The following CSMD1 variants were observed in gnomAD, a reference collection of about 807,000 sequenced individuals.
CSMD1 encodes CUB and Sushi multiple domains 1.
Under a neutral mutation model 417.5 loss-of-function variants are expected in CSMD1, and 213 were observed. The ratio of observed to expected loss-of-function variants is 0.51; its 90% CI spans 0.46 to 0.57. The LOEUF (loss-of-function observed/expected upper bound fraction) is 0.57, where lower values mean the gene tolerates loss of function less well. Ranked by LOEUF, CSMD1 falls within the 20% of genes least tolerant of loss-of-function variation. The pLI, the probability that CSMD1 is intolerant of heterozygous loss-of-function variation, is 0.00. For synonymous variants in CSMD1, 2,862 were observed against 1,736.8 expected (o/e 1.65, Z -16.11); for missense variants, 6,923 against 4,529.7 (o/e 1.53, Z -15.17).
At chr8:4,692,804 A>G (rs1029148016) in intron 1 of CSMD1, among the ~76,000 whole-genome samples, 3 of 152,154 alleles carry the variant, frequency 2.0e-5, no homozygotes, top group Admixed American at 2.0e-4. Flanking sequence ...GGAATTCTCA[A>G]ATTTTTAAAT....
chr8:4,557,982 T>C (rs936602882), intron 2 of CSMD1, among the ~76,000 whole-genome samples: 2 of 152,172 alleles, frequency 1.3e-5, no homozygotes, highest in African/African-American at 4.8e-5. Context: ...TTATTTTTAC[T>C]ACAGTGACCA....
intron 18 of CSMD1, among the ~76,000 whole-genome samples, chr8:3,382,831 G>C (rs1050641464): frequency 1.3e-5 from 2 of 151,752 alleles, no homozygotes; most frequent in Admixed American, 1.3e-4. Context: ...AACTTTTAGT[G>C]TGCATATAGC....
chr8:4,807,542 C>G (rs902931560), intron 1 of CSMD1, among the ~76,000 whole-genome samples: 4 of 152,132 alleles, frequency 2.6e-5, no homozygotes, highest in Non-Finnish European at 5.9e-5. Context: ...GACACCAGTA[C>G]GTGTTCATTG....
At chr8:4,267,473 GAATATT>G (rs1237230533) in intron 3 of CSMD1, among the ~76,000 whole-genome samples, 1 of 151,264 alleles carries the variant, frequency 6.6e-6, no homozygotes, top group Non-Finnish European at 1.5e-5. Context: ...GAATATAAAT[GAATATT>G]AATATTAAAG....
chr8:3,699,803 C>G (rs1424123507), intron 7 of CSMD1, among the ~76,000 whole-genome samples: 1 of 152,136 alleles, frequency 6.6e-6, no homozygotes, highest in Non-Finnish European at 1.5e-5. Flanking sequence ...ATATAAAAAT[C>G]TAATTGAAGA....
chr8:4,707,964 T>C (rs556712992), intron 1 of CSMD1, among the ~76,000 whole-genome samples: 1 of 149,126 alleles, frequency 6.7e-6, no homozygotes, highest in Non-Finnish European at 1.5e-5. Flanking sequence ...TTATTGTTTT[T>C]AAGACACATC....
At chr8:4,084,676 G>A (rs931868777) in intron 3 of CSMD1, among the ~76,000 whole-genome samples, 7 of 152,078 alleles carry the variant, frequency 4.6e-5, no homozygotes, top group African/African-American at 1.7e-4. Context: ...AGTAGGGAAA[G>A]CACTAGCAAT....
intron 26 of CSMD1, among the ~76,000 whole-genome samples, chr8:3,241,187 C>G (rs1585761006): frequency 6.6e-6 from 1 of 151,354 alleles, no homozygotes; most frequent in Admixed American, 6.6e-5. Context: ...GTGTCTCGGC[C>G]TAATAAGGGA....
chr8:3,243,390 G>A (rs553755710), intron 26 of CSMD1, among the ~76,000 whole-genome samples: 5 of 152,012 alleles, frequency 3.3e-5, no homozygotes, highest in African/African-American at 1.2e-4. Flanking sequence ...TATTTCACCT[G>A]GGTGCAGGTG....
intron 2 of CSMD1, among the ~76,000 whole-genome samples, chr8:4,457,755 A>T (rs531968791): frequency 2.4e-4 from 36 of 152,274 alleles, no homozygotes; most frequent in African/African-American, 8.2e-4. Flanking sequence ...CCAGCAGCAT[A>T]GGACACCTCT....
intron 2 of CSMD1, among the ~76,000 whole-genome samples, chr8:4,591,496 G>T (rs918148985): frequency 6.6e-6 from 1 of 152,178 alleles, no homozygotes; most frequent in African/African-American, 2.4e-5. Context: ...CTGCATGGTA[G>T]GTCCAGGGAA....
intron 1 of CSMD1, among the ~76,000 whole-genome samples, chr8:4,880,250 C>T (rs1380530172): frequency 6.6e-6 from 1 of 151,998 alleles, no homozygotes; most frequent in African/African-American, 2.4e-5. Context: ...GTGACCTGTT[C>T]CCCAAAGGAT....
intron 1 of CSMD1, among the ~76,000 whole-genome samples, chr8:4,648,439 CA>C (rs1803676419): frequency 6.6e-6 from 1 of 152,156 alleles, no homozygotes; most frequent in Non-Finnish European, 1.5e-5. Context: ...GTCCACACCA[CA>C]AGGGCATGAA....
intron 3 of CSMD1, among the ~76,000 whole-genome samples, chr8:4,250,085 T>C (rs1371396781): frequency 6.6e-6 from 1 of 152,182 alleles, no homozygotes; most frequent in Non-Finnish European, 1.5e-5. Flanking sequence ...CTCTTTGCCC[T>C]TCTGCCATGG....
At chr8:3,402,415 T>A (rs1289440038) in intron 15 of CSMD1, among the ~76,000 whole-genome samples, 1 of 152,202 alleles carries the variant, frequency 6.6e-6, no homozygotes, top group Non-Finnish European at 1.5e-5. Context: ...TATAGTCATT[T>A]TTCCCCAAAA....
intron 2 of CSMD1, among the ~76,000 whole-genome samples, chr8:4,471,584 G>C (rs947137564): frequency 3.3e-5 from 5 of 152,038 alleles, no homozygotes; most frequent in African/African-American, 9.7e-5. Flanking sequence ...GTTTTAGAGA[G>C]AGGTGCAGGG....
intron 41 of CSMD1, among the ~76,000 whole-genome samples, chr8:3,130,543 T>C (rs567217398): frequency 2.0e-5 from 3 of 152,250 alleles, no homozygotes; most frequent in South Asian, 4.2e-4. Context: ...GAAAACAACC[T>C]GAATGCGTCA....
chr8:4,969,590 A>T (rs1423103356), intron 1 of CSMD1, among the ~76,000 whole-genome samples: 1 of 151,850 alleles, frequency 6.6e-6, no homozygotes, highest in African/African-American at 2.4e-5. Context: ...TTTTATCTCA[A>T]AAAGCCAGGT....
intron 3 of CSMD1, among the ~76,000 whole-genome samples, chr8:4,090,707 G>C (rs1389031436): frequency 6.6e-6 from 1 of 152,106 alleles, no homozygotes. Context: ...GGTTCTAGTG[G>C]AGTTTTAAAT....
Sources: gnomAD v4.1 joint callset for allele counts (sites outside exome capture counted in the v4.1 genomes callset) on GRCh38, gnomAD v4.1.1 for gene constraint, MANE v1.5 for transcripts, NCBI Gene and HGNC (gene_info 2026-07-23, HGNC 2026-07-21) for gene names.